Variants in PTGFRN observed in about 807,000 individuals in gnomAD.
PTGFRN encodes the protein prostaglandin F2 receptor inhibitor, also known as prostaglandin F2 receptor negative regulator.
Under a neutral mutation model 83.2 loss-of-function variants are expected in PTGFRN, and 35 were observed. The ratio of observed to expected loss-of-function variants is 0.42; its 90% confidence interval spans 0.32 to 0.56. The LOEUF (loss-of-function observed/expected upper bound fraction) is 0.56, where lower values mean the gene tolerates loss of function less well. Among genes scored for constraint, PTGFRN ranks in the 20% least tolerant of loss-of-function variants. The pLI is 0.11. For missense variants in PTGFRN, 1,051 were observed against 1,179.5 expected (o/e 0.89, Z 1.60); for synonymous variants, 519 against 498.6 (o/e 1.04, Z -0.55).
chr1:116,978,119 C>T (rs1340066571), intron 7 of PTGFRN, among the ~76,000 whole-genome samples: 2 of 152,206 alleles, frequency 1.3e-5, no homozygotes, highest in African/African-American at 4.8e-5. Context: ...ACTAGAAAAT[C>T]TAGAAGAAAT....
chr1:116,970,989 G>T (rs1570674301), intron 6 of PTGFRN, among the ~76,000 whole-genome samples: 1 of 152,114 alleles, frequency 6.6e-6, no homozygotes, highest in Non-Finnish European at 1.5e-5. Context: ...TTTAAAAGAA[G>T]AATAATAAAT....
chr1:116,928,484 T>C (rs931819435), intron 1 of PTGFRN, among the ~76,000 whole-genome samples: 2 of 152,202 alleles, frequency 1.3e-5, no homozygotes, highest in South Asian at 4.1e-4. Flanking sequence ...GGACCCTCTG[T>C]CATATTTCTT....
intron 5 of PTGFRN, among the ~76,000 whole-genome samples, chr1:116,966,040 T>C (rs990088223): frequency 6.6e-6 from 1 of 152,240 alleles, no homozygotes; most frequent in African/African-American, 2.4e-5. Flanking sequence ...AAATCTCATC[T>C]TGTAACTGGA....
chr1:116,913,023 ATTTC>A (rs1649310957), intron 1 of PTGFRN, among the ~76,000 whole-genome samples: 1 of 152,138 alleles, frequency 6.6e-6, no homozygotes, highest in Non-Finnish European at 1.5e-5. Flanking sequence ...TCAATGTGGC[ATTTC>A]TTGAGTGGCC....
intron 4 of PTGFRN, among the ~76,000 whole-genome samples, chr1:116,959,553 A>T (rs998921549): frequency 1.3e-5 from 2 of 152,222 alleles, no homozygotes; most frequent in Admixed American, 6.5e-5. Flanking sequence ...CATAAATGAA[A>T]ACAATGTTAA....
chr1:116,968,977 A>G (rs1451252609), intron 6 of PTGFRN, among the ~76,000 whole-genome samples: 1 of 151,936 alleles, frequency 6.6e-6, no homozygotes, highest in Non-Finnish European at 1.5e-5. Context: ...GACTATCTCT[A>G]CTTTTTGGCT....
chr1:116,915,974 T>C (rs1180907831), intron 1 of PTGFRN, among the ~76,000 whole-genome samples: 1 of 152,172 alleles, frequency 6.6e-6, no homozygotes, highest in Non-Finnish European at 1.5e-5. Flanking sequence ...GGACTATTTC[T>C]CCCCACACCA....
intron 1 of PTGFRN, among the ~76,000 whole-genome samples, chr1:116,931,169 T>G (rs1206014500): frequency 1.3e-5 from 2 of 152,254 alleles, no homozygotes; most frequent in Non-Finnish European, 2.9e-5. Context: ...AAATGCTCGT[T>G]GGAGCACTTT....
Position 116,950,755 on chromosome 1 carries a change from C to T in PTGFRN, c.1213+1183C>T, listed in dbSNP as rs543794323. ...ATGAGAGTAAGCGGAAGGGACAATCCGATTCCGATGGAGACGAGGCAGGGT... is the reference window on the plus strand; with the variant it reads ...ATGAGAGTAAGCGGAAGGGACAATCTGATTCCGATGGAGACGAGGCAGGGT... On this transcript the variant is annotated intron_variant, in intron 4 of 8. Transcript: ENST00000393203. 1.7e-3 allele frequency among the ~76,000 whole-genome samples: 255 copies of T among 152,188 alleles called. 16 individuals are homozygous for T. Among genetic ancestry groups the T allele is most frequent in the Middle Eastern group, 0.01 (3 of 294 alleles).
chr1:116,935,802 AT>A (rs1170200680), intron 1 of PTGFRN, among the ~76,000 whole-genome samples: 7 of 150,854 alleles, frequency 4.6e-5, no homozygotes, highest in African/African-American at 1.7e-4. Flanking sequence ...ATCAACAGGT[AT>A]TTTTTTTTCT....
At chr1:116,979,390 C>CA (rs768162274) in intron 7 of PTGFRN, among the ~76,000 whole-genome samples, 1 of 152,064 alleles carries the variant, frequency 6.6e-6, no homozygotes, top group African/African-American at 2.4e-5. Context: ...CATATGGCAC[C>CA]AAAAAAGAGC....
At chr1:116,924,668 T>G (rs952578613) in intron 1 of PTGFRN, among the ~76,000 whole-genome samples, 1 of 152,228 alleles carries the variant, frequency 6.6e-6, no homozygotes, top group Non-Finnish European at 1.5e-5. Flanking sequence ...AGCCACATGC[T>G]CTGCGCTTTC....
chr1:116,919,348 C>G (rs767813173), intron 1 of PTGFRN, among the ~76,000 whole-genome samples: 2 of 152,100 alleles, frequency 1.3e-5, no homozygotes, highest in Non-Finnish European at 2.9e-5. Flanking sequence ...CCAATAAATT[C>G]CTGTCTACCT....
chr1:116,955,787 G>A (rs1384545086), intron 4 of PTGFRN, among the ~76,000 whole-genome samples: 1 of 152,184 alleles, frequency 6.6e-6, no homozygotes, highest in East Asian at 1.9e-4. Flanking sequence ...AATCAAGGTG[G>A]CAGTCCCTGG....
At chr1:116,940,251 G>C (rs974269036) in intron 1 of PTGFRN, among the ~76,000 whole-genome samples, 4 of 152,212 alleles carry the variant, frequency 2.6e-5, no homozygotes, top group African/African-American at 9.7e-5. Context: ...CCTGCAGAGG[G>C]CTGAGAGGGA....
At chr1:116,982,799 G>A (rs939462752) in intron 7 of PTGFRN, among the ~76,000 whole-genome samples, 3 of 152,198 alleles carry the variant, frequency 2.0e-5, no homozygotes, top group African/African-American at 7.2e-5. Flanking sequence ...CAGGCTGAGT[G>A]GCAAAGAAGC....
Position 116,986,976 on chromosome 1 carries a change from G to A in PTGFRN, c.*9G>A, listed in dbSNP as rs768852551. 1.4e-5 allele frequency: 23 copies of A among 1,614,012 alleles called. No homozygotes were observed. The highest frequency in any genetic ancestry group is 8.9e-5 in the East Asian group (4 of 44,880). ...CGATGGAGATGGACTAGGCTGGCCC[G>A]GGAGGGGAGTGACAGAGGGACGTTC... On this transcript the variant is annotated 3_prime_UTR_variant, in exon 9 of 9. Transcript: ENST00000393203.
chr1:116,914,174 A>G (rs901784554), intron 1 of PTGFRN, among the ~76,000 whole-genome samples: 13 of 152,160 alleles, frequency 8.5e-5, no homozygotes, highest in African/African-American at 2.9e-4. Context: ...GCTGTCTTCA[A>G]CTCACAGTTT....
intron 6 of PTGFRN, among the ~76,000 whole-genome samples, chr1:116,970,206 C>T (rs1042554138): frequency 1.3e-5 from 2 of 152,148 alleles, no homozygotes; most frequent in Non-Finnish European, 2.9e-5. Flanking sequence ...GTCTCATTCA[C>T]CTTTAACTAT....
Sources: allele counts gnomAD v4.1 joint callset (sites outside exome capture counted in the v4.1 genomes callset), GRCh38; gene constraint gnomAD v4.1.1; transcripts MANE v1.5; gene names NCBI Gene and HGNC (gene_info 2026-07-23, HGNC 2026-07-21).